The following DEPTOR variants were observed in gnomAD, a reference collection of about 807,000 sequenced individuals.
The protein encoded by DEPTOR is DEP domain-containing mTOR-interacting protein.
In DEPTOR, 41 loss-of-function variants were observed where a neutral mutation model predicts 41.6. The ratio of observed to expected loss-of-function variants is 0.98; its 90% CI spans 0.77 to 1.28. The LOEUF (loss-of-function observed/expected upper bound fraction) is 1.28, where lower values mean the gene tolerates loss of function less well. Ranked by LOEUF, DEPTOR falls within the 50% of genes most tolerant of loss-of-function variation. The pLI, the probability that DEPTOR is intolerant of heterozygous loss-of-function variation, is 0.00. For synonymous variants in DEPTOR, 195 were observed against 192.3 expected (o/e 1.01, Z -0.12); for missense variants, 514 against 527.9 (o/e 0.97, Z 0.26).
At chr8:119,987,145 G>T (rs1828839240) in intron 4 of DEPTOR, among the ~76,000 whole-genome samples, 1 of 152,042 alleles carries the variant, frequency 6.6e-6, no homozygotes, top group Non-Finnish European at 1.5e-5. Flanking sequence ...TTTTTGTGCT[G>T]GTTTTTCCTC....
chr8:119,931,010 G>C (rs1828036244), intron 3 of DEPTOR, among the ~76,000 whole-genome samples: 1 of 152,034 alleles, frequency 6.6e-6, no homozygotes. Flanking sequence ...TCAGGGGTTG[G>C]AAACCAGCCT....
At chr8:120,005,396 G>C (rs1159546859) in intron 6 of DEPTOR, among the ~76,000 whole-genome samples, 14 of 152,236 alleles carry the variant, frequency 9.2e-5, no homozygotes, top group Non-Finnish European at 1.6e-4. Context: ...AAGAAGCACT[G>C]GATTGCCTTT....
At chr8:119,919,649 G>A (rs1034575937) in intron 1 of DEPTOR, among the ~76,000 whole-genome samples, 32 of 152,122 alleles carry the variant, frequency 2.1e-4, no homozygotes, top group Admixed American at 1.9e-3. Context: ...ATTGGCTGTT[G>A]CAGAACATCT....
rs75837153 is a variant in DEPTOR, at chr8:119,909,326, A to C, written c.123-19074A>C. ...GAGAATGCGACAGATAACTGATGAA[A>C]TCTTTAGTTACCTAGCTATCTTTAG... On this transcript the variant is annotated intron_variant, in intron 1 of 8. Transcript: ENST00000286234. 4.0e-3 allele frequency among the ~76,000 whole-genome samples: 611 copies of C among 152,262 alleles called. 1 individual carries two copies. The highest frequency in any genetic ancestry group is 6.9e-3 in the Non-Finnish European group (471 of 68,016).
At chr8:119,915,232 T>C (rs1431741009) in intron 1 of DEPTOR, among the ~76,000 whole-genome samples, 1 of 152,220 alleles carries the variant, frequency 6.6e-6, no homozygotes, top group Admixed American at 6.5e-5. Context: ...CCCAAAGCAC[T>C]GGGCTTACAG....
intron 3 of DEPTOR, among the ~76,000 whole-genome samples, chr8:119,930,437 A>G (rs1247720651): frequency 6.6e-6 from 1 of 152,096 alleles, no homozygotes; most frequent in Admixed American, 6.6e-5. Context: ...GGGTTTCACC[A>G]TGTTGGCCAG....
intron 1 of DEPTOR, among the ~76,000 whole-genome samples, chr8:119,876,996 G>A (rs1827238931): frequency 6.6e-6 from 1 of 152,216 alleles, no homozygotes; most frequent in African/African-American, 2.4e-5. Flanking sequence ...TGGGCAGGAA[G>A]GATTGGGTGG....
chr8:119,944,915 A>G (rs1248460753), intron 3 of DEPTOR, among the ~76,000 whole-genome samples: 1 of 151,834 alleles, frequency 6.6e-6, no homozygotes, highest in Admixed American at 6.6e-5. Context: ...CAGCCTCCCA[A>G]AGTGCTGGGA....
At position 119,928,438 on chromosome 8, in the gene DEPTOR, G is replaced by A. The variant is rs144874352; in HGVS notation, c.161G>A (p.Arg54His). ...GAAGAAAAGGTTATTAAAGATAGAC[G>A]TCATCATCTCAAGACCTACCCAAAC... ...LHEEKVIKDR[R>H]HHLKTYPNCF... Residue 54 changes from arginine to histidine, a missense_variant, in exon 2 of 9, where the codon CGT (arginine) becomes CAT (histidine). By Grantham distance (29) the Arg-to-His change is conservative. Transcript: ENST00000286234. 1.5e-5 allele frequency: 25 copies of A among 1,613,870 alleles called. No homozygotes were observed. The highest frequency in any genetic ancestry group is 2.0e-5 in the Non-Finnish European group (24 of 1,179,956).
At chr8:119,948,945 A>G (rs1828317492) in intron 3 of DEPTOR, among the ~76,000 whole-genome samples, 1 of 152,062 alleles carries the variant, frequency 6.6e-6, no homozygotes, top group East Asian at 1.9e-4. Context: ...GCGCCACCAC[A>G]CACAGCTAAT....
chr8:119,884,871 G>A (rs951091316), intron 1 of DEPTOR, among the ~76,000 whole-genome samples: 4 of 151,764 alleles, frequency 2.6e-5, no homozygotes, highest in Non-Finnish European at 5.9e-5. Flanking sequence ...CGCTTCTAAG[G>A]TTCAAGCAAT....
intron 3 of DEPTOR, among the ~76,000 whole-genome samples, chr8:119,931,614 G>A (rs1052302964): frequency 6.6e-6 from 1 of 152,006 alleles, no homozygotes; most frequent in African/African-American, 2.4e-5. Flanking sequence ...TTCTTGAGGT[G>A]GAATGATCAC....
At chr8:120,008,034 T>C (rs1812471310) in intron 7 of DEPTOR, among the ~76,000 whole-genome samples, 2 of 152,220 alleles carry the variant, frequency 1.3e-5, no homozygotes, top group Non-Finnish European at 2.9e-5. Flanking sequence ...TTGGTTGGGA[T>C]ATGTGTGAAA....
chr8:120,011,293 G>C (rs532189119), intron 8 of DEPTOR, among the ~76,000 whole-genome samples: 3 of 152,300 alleles, frequency 2.0e-5, no homozygotes, highest in East Asian at 1.9e-4. Context: ...ACAGGCCCTG[G>C]GGTCCTGTGC....
chr8:119,950,108 C>T (rs1828333535), intron 3 of DEPTOR, among the ~76,000 whole-genome samples: 1 of 152,162 alleles, frequency 6.6e-6, no homozygotes, highest in African/African-American at 2.4e-5. Flanking sequence ...ATCTAACTGT[C>T]CCTGCACCAT....
chr8:119,980,796 G>T (rs1828757596), intron 4 of DEPTOR, among the ~76,000 whole-genome samples: 1 of 152,096 alleles, frequency 6.6e-6, no homozygotes, highest in Non-Finnish European at 1.5e-5. Context: ...GGGATTACAG[G>T]TGTGAGCCAC....
intron 3 of DEPTOR, among the ~76,000 whole-genome samples, chr8:119,942,054 C>A (rs1193036323): frequency 1.3e-5 from 2 of 152,220 alleles, no homozygotes; most frequent in Non-Finnish European, 2.9e-5. Flanking sequence ...CCCCCCTCCC[C>A]CTGCTGTAAC....
intron 8 of DEPTOR, among the ~76,000 whole-genome samples, chr8:120,012,798 G>A (rs1812550388): frequency 6.6e-6 from 1 of 152,048 alleles, no homozygotes; most frequent in African/African-American, 2.4e-5. Flanking sequence ...GCCTCCCAAA[G>A]TGCTGGGATT....
intron 1 of DEPTOR, among the ~76,000 whole-genome samples, chr8:119,905,863 G>C (rs1057228319): frequency 1.3e-5 from 2 of 152,008 alleles, no homozygotes; most frequent in Non-Finnish European, 2.9e-5. Context: ...GGGTGGTCTC[G>C]AACTCCTCAC....
Sources: allele counts gnomAD v4.1 joint callset (sites outside exome capture counted in the v4.1 genomes callset), GRCh38; gene constraint gnomAD v4.1.1; transcripts MANE v1.5; gene names NCBI Gene and HGNC (gene_info 2026-07-23, HGNC 2026-07-21).